Variants in MED25 observed in about 807,000 individuals in gnomAD.
MED25 encodes mediator complex subunit 25.
Under a neutral mutation model 89.4 loss-of-function variants are expected in MED25, and 62 were observed. That is an observed-to-expected ratio of 0.69 (90% CI 0.57 to 0.86). MED25 has a LOEUF of 0.86. Ranked by LOEUF, MED25 falls within the 40% of genes least tolerant of loss-of-function variation. MED25 has a pLI of 0.00. For missense variants in MED25, 905 were observed against 1,005.2 expected (o/e 0.90, Z 1.35); for synonymous variants, 449 against 427.9 (o/e 1.05, Z -0.61).
chr19:49,829,846 G>A lies in MED25; in HGVS notation c.586G>A (p.Glu196Lys). The A allele has an allele frequency of 4.3e-6, 7 of 1,612,054 alleles. No individual in the cohort carries two copies. The highest frequency in any genetic ancestry group is 5.9e-6 in the Non-Finnish European group (7 of 1,179,416). Residue 196 changes from glutamate to lysine, a missense_variant, in exon 6 of 18, where the codon GAG becomes AAG. By Grantham distance (56) the Glu-to-Lys change is moderately conservative. This residue lies in a region of MED25 where 501 missense variants were observed against 526.9 expected (regional missense o/e 0.95). Transcript: ENST00000312865. The surrounding 1 kb of genome is among the most constrained non-coding windows in gnomAD (Gnocchi z 4.6). Reference protein sequence around the residue: ...RKLPALRLLFEKAAPPALLEP... With the variant: ...RKLPALRLLFKKAAPPALLEP... Reference sequence around the variant, plus strand: ...GCTGCCTGCGCTTCGGCTTCTGTTTGAGAAGGCAGCCCCCCCGGCCTTGCT... The same window carrying A: ...GCTGCCTGCGCTTCGGCTTCTGTTTAAGAAGGCAGCCCCCCCGGCCTTGCT...
chr19:49,834,706 G>C lies in MED25; in HGVS notation c.1483-280G>C, dbSNP rs1400070828. On this transcript the variant is annotated intron_variant, in intron 13 of 17. Transcript: ENST00000312865. This position sits in a 1 kb window ranked among gnomAD's most constrained non-coding sequence, Gnocchi z 4.1. Reference sequence around the variant, plus strand: ...TGGCATTTTATGCCCAAGAAACTGGGTCCATGAGGAGCAGGTGGTGGCTGA... The same window carrying C: ...TGGCATTTTATGCCCAAGAAACTGGCTCCATGAGGAGCAGGTGGTGGCTGA... The C allele has an allele frequency of 1.9e-6, 1 of 515,446 alleles. No homozygotes were observed. Among genetic ancestry groups the C allele is most frequent in the Non-Finnish European group, 3.5e-6 (1 of 282,978 alleles). The allele number at this position is 515,446 out of a possible 1,614,324, so 31.9% of individuals were successfully genotyped here.
rs546822136 is a variant in MED25, at chr19:49,830,697, C to T, written c.911C>T (p.Ser304Leu). The change falls in exon 9 of 18, where the codon TCG (serine) becomes TTG (leucine). Residue 304 changes from serine to leucine, a missense_variant. Physicochemically the swap from Ser to Leu is moderately radical, Grantham distance 145 (BLOSUM62 -2). This residue lies in a region of MED25 where 501 missense variants were observed against 526.9 expected (regional missense o/e 0.95). Transcript: ENST00000312865. This position sits in a 1 kb window ranked among gnomAD's most constrained non-coding sequence, Gnocchi z 4.6. ...CTTCCCTTGGTCTCTCCCACAGTCTCGCCCATCACCCCTCTCCAACAAGCT... is the reference window on the plus strand; with the variant it reads ...CTTCCCTTGGTCTCTCCCACAGTCTTGCCCATCACCCCTCTCCAACAAGCT... ...NQKAGLGPRFSPITPLQQAAP... is the reference protein window; with the variant it reads ...NQKAGLGPRFLPITPLQQAAP... 2.1e-5 allele frequency: 34 copies of T among 1,614,028 alleles called. No individual in the cohort carries two copies. Among genetic ancestry groups the T allele is most frequent in the East Asian group, 4.5e-5 (2 of 44,874 alleles).
Position 49,836,552 on chromosome 19 carries a change from G to A in MED25, c.2146+146G>A, listed in dbSNP as rs1034090469. The stretch of plus-strand genomic sequence containing the variant: ...CCCATGGCCTTTGCGGAGCTCTGAG[G>A]GCTCCGGGAAAGTACAGCCCATGGG... On this transcript the variant is annotated intron_variant, in intron 17 of 17. Transcript: ENST00000312865. This position sits in a 1 kb window ranked among gnomAD's most constrained non-coding sequence, Gnocchi z 5.1. 16 of 1,047,600 alleles carry A rather than the reference G, an allele frequency of 1.5e-5. No individual in the cohort carries two copies. In the African/African-American group the frequency reaches 1.9e-4, roughly 12 times the overall value. The allele number at this position is 1,047,600 out of a possible 1,614,324, so 64.9% of individuals were successfully genotyped here.
At chr19:49,819,039 C>A (rs1266688628) in intron 2 of MED25, 133 bp from the exon 3 acceptor site, 6 of 1,139,690 alleles carry the variant, frequency 5.3e-6, no homozygotes, top group African/African-American at 1.5e-5. Flanking sequence ...GCCGAGATTG[C>A]TGGGTCTGAG....
At chr19:49,820,436 G>A (rs565266505) in intron 3 of MED25, among the ~76,000 whole-genome samples, 3 of 152,316 alleles carry the variant, frequency 2.0e-5, no homozygotes, top group South Asian at 4.1e-4. Flanking sequence ...CCTAGGCACG[G>A]GCTTATCCCA....
At position 49,831,638 on chromosome 19, in the gene MED25, C is replaced by T. The variant is rs4801809; in HGVS notation, c.1230+177C>T. Among the ~76,000 whole-genome samples, 9,074 of 152,152 alleles carry T rather than the reference C, an allele frequency of 0.06. 357 individuals carry two copies. Among genetic ancestry groups the T allele is most frequent in the Non-Finnish European group, 0.094 (6,369 of 67,964 alleles). On this transcript the variant is annotated intron_variant, in intron 10 of 17. Coordinates refer to ENST00000312865, the MANE Select transcript of MED25 (RefSeq NM_030973.4). This position sits in a 1 kb window ranked among gnomAD's most constrained non-coding sequence, Gnocchi z 5.0. ...GAGCCCCATGGAGTGGTGGGACTTG[C>T]GGTACAGAGGAGAGTCCCCATGCAA...
In MED25 at chr19:49,823,797, C is replaced by T. The variant is rs559445395; in HGVS notation, c.305+4501C>T. On this transcript the variant is annotated intron_variant, in intron 3 of 17. Coordinates refer to ENST00000312865, the MANE Select transcript of MED25 (RefSeq NM_030973.4). ...GGTAACACAGAGCAGGGTTTCTCAT[C>T]CTTGGCCCTAGTGACACTGTGGACA... is the stretch of plus-strand genomic sequence containing the variant. Among the ~76,000 whole-genome samples the T allele has an allele frequency of 1.6e-4, 24 of 152,276 alleles. No individual in the cohort carries two copies. The South Asian group carries it at 2.9e-3, about 18-fold the overall frequency.
Position 49,836,082 on chromosome 19 carries a change from A to G in MED25, c.1965+137A>G. The G allele has an allele frequency of 6.6e-7, 1 of 1,524,242 alleles. No individual in the cohort carries two copies. The highest frequency in any genetic ancestry group is 1.9e-5 in the Admixed American group (1 of 51,378). 94.4% of individuals were successfully genotyped at this position (1,524,242 alleles called of 1,614,324 possible). On this transcript the variant is annotated intron_variant, in intron 16 of 17. Transcript: ENST00000312865. This position sits in a 1 kb window ranked among gnomAD's most constrained non-coding sequence, Gnocchi z 5.1. ...CCGCCCAGGGCTTTAGGCAGAAGGCAGACCGCCTCCTCTCCGTCCATCCCC... is the reference window on the plus strand; with the variant it reads ...CCGCCCAGGGCTTTAGGCAGAAGGCGGACCGCCTCCTCTCCGTCCATCCCC...
chr19:49,838,874 C>T (rs559217103), downstream of MED25: 34 of 403,824 alleles, frequency 8.4e-5, no homozygotes, highest in Non-Finnish European at 1.4e-4. Flanking sequence ...AGTGGTACGC[C>T]GTTCCGGAAT....
At chr19:49,838,137 C>T (rs75521048), downstream of MED25, among the ~76,000 whole-genome samples, 1,582 of 152,272 alleles carry the variant, frequency 0.01, 19 homozygotes, top group African/African-American at 0.035. Flanking sequence ...ATTTTGCATG[C>T]TGGTTAACGT....
At chr19:49,828,881 A>C in intron 4 of MED25, 89 bp from the exon 5 acceptor site, 2 of 1,587,196 alleles carry the variant, frequency 1.3e-6, no homozygotes, top group South Asian at 1.1e-5. Context: ...TGTGAGGCGG[A>C]ATATGTGCAT....
Position 49,835,625 on chromosome 19 carries a change from G to T in MED25, c.1746+20G>T. 1 of 1,556,010 alleles carries T rather than the reference G, an allele frequency of 6.4e-7. No homozygotes were observed. The highest frequency in any genetic ancestry group is 8.7e-7 in the Non-Finnish European group (1 of 1,150,214). Reference sequence around the variant, plus strand: ...AATCTGGTGAGGACAGGGCTGGCGGGGTCGGGGCTGGGTTGGGGAGGCCCC... The same window carrying T: ...AATCTGGTGAGGACAGGGCTGGCGGTGTCGGGGCTGGGTTGGGGAGGCCCC... On this transcript the variant is annotated intron_variant, in intron 15 of 17. Transcript: ENST00000312865. The surrounding 1 kb of genome is among the most constrained non-coding windows in gnomAD (Gnocchi z 6.2).
chr19:49,819,019 A>AGGGGCTGGGGCCGAGATTGCT, intron 2 of MED25, 153 bp from the exon 3 acceptor site: 1 of 962,596 alleles, frequency 1.0e-6, no homozygotes, highest in Non-Finnish European at 1.6e-6. Context: ...CTGAGGGAGA[A>AGGGGCTGGGGCCGAGATTGCT]GGGGCTGGGG....
chr19:49,824,268 G>A (rs545479654), intron 3 of MED25, among the ~76,000 whole-genome samples: 1 of 152,234 alleles, frequency 6.6e-6, no homozygotes, highest in African/African-American at 2.4e-5. Context: ...TTCCTCCTCT[G>A]CCTCCATGAC....
At chr19:49,826,543 C>A (rs536769923) in intron 3 of MED25, among the ~76,000 whole-genome samples, 1 of 152,176 alleles carries the variant, frequency 6.6e-6, no homozygotes, top group African/African-American at 2.4e-5. Flanking sequence ...CCCTGCCAGG[C>A]CACCAGTGCA....
chr19:49,835,851 C>G lies in MED25; in HGVS notation c.1871C>G (p.Ala624Gly). Residue 624 changes from alanine (A) to glycine (G), a missense_variant, in exon 16 of 18, where the codon GCA (alanine) becomes GGA (glycine). This residue lies in a region of MED25 where 271 missense variants were observed against 258.1 expected (regional missense o/e 1.05). Coordinates refer to ENST00000312865, the MANE Select transcript of MED25 (RefSeq NM_030973.4). The surrounding 1 kb of genome is among the most constrained non-coding windows in gnomAD (Gnocchi z 6.2). Reference sequence around the variant, plus strand: ...GGTGCCCCTCAAGGCCCTCCTGGAGCAGCTTCTGGCCCACCCCCTCCTGGA... The same window carrying G: ...GGTGCCCCTCAAGGCCCTCCTGGAGGAGCTTCTGGCCCACCCCCTCCTGGA... ...PPGAPQGPPG[A>G]ASGPPPPGPI... is the part of the protein sequence containing the mutation. 1.2e-6 allele frequency: 2 copies of G among 1,612,376 alleles called. No individual in the cohort carries two copies. Among genetic ancestry groups the G allele is most frequent in the Non-Finnish European group, 1.7e-6 (2 of 1,179,660 alleles).
intron 3 of MED25, among the ~76,000 whole-genome samples, chr19:49,821,351 G>A (rs373895162): frequency 1.2e-4 from 18 of 152,288 alleles, no homozygotes; most frequent in Admixed American, 3.3e-4. Context: ...GCTCAGTCAC[G>A]GCTCACTGCA....
At chr19:49,840,176 G>C (rs555878112), downstream of MED25, 51 of 152,198 alleles carry the variant, frequency 3.4e-4, no homozygotes, top group African/African-American at 1.2e-3. Flanking sequence ...CTGACATCTC[G>C]GTGTGGAAGG....
chr19:49,828,932 G>A (rs2123876540), intron 4 of MED25, 38 bp from the exon 5 acceptor site: 1 of 1,613,178 alleles, frequency 6.2e-7, no homozygotes, highest in Admixed American at 1.7e-5. Context: ...CAGGGCCTCT[G>A]TTGCTGCTGG....
Sources: allele counts gnomAD v4.1 joint callset (sites outside exome capture counted in the v4.1 genomes callset), GRCh38; gene constraint gnomAD v4.1.1; regional missense constraint gnomAD v4.1.1; non-coding constraint Gnocchi (gnomAD v3.1); transcripts MANE v1.5; gene names NCBI Gene and HGNC (gene_info 2026-07-23, HGNC 2026-07-21).